The following ABLIM2 variants were observed in gnomAD, a reference collection of about 807,000 sequenced individuals.
ABLIM2 encodes actin-binding LIM protein 2.
Under a neutral mutation model 97.7 loss-of-function variants are expected in ABLIM2, and 53 were observed. That is an observed-to-expected ratio of 0.54 (90% CI 0.44 to 0.68). The LOEUF (loss-of-function observed/expected upper bound fraction) is 0.68. ABLIM2 is among the 30% of genes least tolerant of loss of function. The pLI is 0.00. For missense variants in ABLIM2, 835 were observed against 867.2 expected (o/e 0.96, Z 0.47); for synonymous variants, 361 against 345.8 (o/e 1.04, Z -0.49).
At chr4:8,154,406 TGAG>T (rs1262900222) in intron 1 of ABLIM2, among the ~76,000 whole-genome samples, 2 of 149,956 alleles carry the variant, frequency 1.3e-5, no homozygotes, top group Non-Finnish European at 3.0e-5. Context: ...CTCAGCCTCC[TGAG>T]TAGTGGGGAT....
At chr4:8,157,590 C>T (rs1346134778) in intron 1 of ABLIM2, among the ~76,000 whole-genome samples, 2 of 152,252 alleles carry the variant, frequency 1.3e-5, no homozygotes, top group Non-Finnish European at 2.9e-5. Context: ...TAGCCCCCGC[C>T]CCCTTCTAGG....
At chr4:8,036,102 G>A in intron 10 of ABLIM2, 47 bp downstream of exon 10, 1 of 1,603,356 alleles carries the variant, frequency 6.2e-7, no homozygotes, top group South Asian at 1.1e-5. Context: ...CTGCAGGGCA[G>A]CACTTGGGGA....
At chr4:8,152,236 G>C (rs991835752) in intron 1 of ABLIM2, among the ~76,000 whole-genome samples, 3 of 152,234 alleles carry the variant, frequency 2.0e-5, no homozygotes, top group Admixed American at 6.5e-5. Flanking sequence ...GCAGGCAGGG[G>C]ATAGGCAGAC....
rs372260504 is a variant in ABLIM2 at position 8,004,575 on chromosome 4, G to A, written c.1618+3484C>T. Among the ~76,000 whole-genome samples the A allele has an allele frequency of 2.6e-5, 4 of 152,244 alleles. No homozygotes were observed. The highest frequency in any genetic ancestry group is 5.9e-5 in the Non-Finnish European group (4 of 68,016). ...CGCCTCTGACCTTCGAGGGTGGGAC[G>A]TGAGAGACCTCAAAAGAGAGGATGG... On this transcript the variant is annotated intron_variant, in intron 16 of 20. Coordinates refer to ENST00000447017, the MANE Select transcript of ABLIM2 (RefSeq NM_001130083.2). This position sits in a 1 kb window ranked among gnomAD's most constrained non-coding sequence, Gnocchi z 5.9.
rs1439434215 is a variant in ABLIM2, at chr4:8,148,213, C to T, written c.10+10467G>A. 6.6e-6 allele frequency among the ~76,000 whole-genome samples: 1 copy of T among 152,184 alleles called. No individual in the cohort carries two copies. Among genetic ancestry groups the T allele is most frequent in the Non-Finnish European group, 1.5e-5 (1 of 68,030 alleles). On this transcript the variant is annotated intron_variant, in intron 1 of 20. Transcript: ENST00000447017. This position sits in a 1 kb window ranked among gnomAD's most constrained non-coding sequence, Gnocchi z 6.7. The stretch of plus-strand genomic sequence containing the variant: ...TGGCGGCGGTGCAGCAGAAGCTCTC[C>T]TGTGGGGGCCCTGGGCCAGGCAGGT...
In ABLIM2 at chr4:8,044,000, T is replaced by C. The variant is rs4696739; in HGVS notation, c.900+1164A>G. ...TCCCAAGCGCCACAGTGCCACTCAC[T>C]CTCCAGGCCAGCAGTGCGTCATGGT... On this transcript the variant is annotated intron_variant, in intron 9 of 20. Transcript: ENST00000447017. The surrounding 1 kb of genome is among the most constrained non-coding windows in gnomAD (Gnocchi z 4.8). 0.78 allele frequency among the ~76,000 whole-genome samples: 118,516 copies of C among 152,154 alleles called. 47,013 individuals carry two copies. The highest frequency in any genetic ancestry group is 0.93 in the African/African-American group (38,744 of 41,544).
rs1307893283 is a variant in ABLIM2, at chr4:8,124,979, CT to C, written c.11-18343del. Among the ~76,000 whole-genome samples the C allele has an allele frequency of 6.6e-6, 1 of 152,206 alleles. No individual in the cohort carries two copies. The highest frequency in any genetic ancestry group is 1.5e-5 in the Non-Finnish European group (1 of 68,046). ...TGCCGTTCCCTGTGGGCGAATGATG[CT>C]GGGCATGGTTCATGTGTAGATTCTC... On this transcript the variant is annotated intron_variant, in intron 1 of 20. Transcript: ENST00000447017. The surrounding 1 kb of genome is among the most constrained non-coding windows in gnomAD (Gnocchi z 6.1).
At chr4:8,053,805 GC>G (rs1249059936) in intron 8 of ABLIM2, among the ~76,000 whole-genome samples, 1 of 151,988 alleles carries the variant, frequency 6.6e-6, no homozygotes, top group East Asian at 1.9e-4. Context: ...CGGGAGTTTG[GC>G]CCCTTTTTCC....
chr4:8,036,077 G>A (rs1188492328), intron 10 of ABLIM2, 72 bp downstream of exon 10: 1 of 1,556,314 alleles, frequency 6.4e-7, no homozygotes, highest in Non-Finnish European at 8.7e-7. Context: ...ACACATGCTA[G>A]GGATGACGCC....
chr4:8,053,833 C>T (rs1001301595), intron 8 of ABLIM2, among the ~76,000 whole-genome samples: 1 of 152,056 alleles, frequency 6.6e-6, no homozygotes, highest in African/African-American at 2.4e-5. Context: ...TTCATGAGTT[C>T]CCGCCTTCTC....
rs977684353 is a variant in ABLIM2, at chr4:8,122,620, C to A, written c.11-15983G>T. Among the ~76,000 whole-genome samples the A allele has an allele frequency of 6.6e-6, 1 of 152,202 alleles. No individual in the cohort carries two copies. The highest frequency in any genetic ancestry group is 1.5e-5 in the Non-Finnish European group (1 of 68,034). On this transcript the variant is annotated intron_variant, in intron 1 of 20. Coordinates refer to ENST00000447017, the MANE Select transcript of ABLIM2 (RefSeq NM_001130083.2). The surrounding 1 kb of genome is among the most constrained non-coding windows in gnomAD (Gnocchi z 4.1). ...AAGGCCCCTCCTCCAAATAGCGTCA[C>A]CCTGGGGGTTTGGGCTTCCAAGTGT...
Position 8,127,421 on chromosome 4 carries a change from T to C in ABLIM2, c.11-20784A>G, listed in dbSNP as rs1848503198. On this transcript the variant is annotated intron_variant, in intron 1 of 20. Coordinates refer to ENST00000447017, the MANE Select transcript of ABLIM2 (RefSeq NM_001130083.2). The surrounding 1 kb of genome is among the most constrained non-coding windows in gnomAD (Gnocchi z 7.3). Reference sequence around the variant, plus strand: ...GCAGGGCACAACTTGACTGGACCCGTCCTTTCCCACCAGACCCCTGAAGCT... The same window carrying C: ...GCAGGGCACAACTTGACTGGACCCGCCCTTTCCCACCAGACCCCTGAAGCT... 2.5e-6 allele frequency: 3 copies of C among 1,181,174 alleles called. No individual in the cohort carries two copies. Among genetic ancestry groups the C allele is most frequent in the Non-Finnish European group, 2.2e-6 (2 of 904,862 alleles). The allele number at this position is 1,181,174 out of a possible 1,614,324, so 73.2% of individuals were successfully genotyped here.
Position 7,999,839 on chromosome 4 carries a change from A to G in ABLIM2, c.1619-6912T>C, listed in dbSNP as rs1755854127. ...GCCTCCCCTCCATGAAGCCTGCCAT[A>G]GCCACCTTGCCCTCAGCACCCCGCC... On this transcript the variant is annotated intron_variant, in intron 16 of 20. Transcript: ENST00000447017. The surrounding 1 kb of genome is among the most constrained non-coding windows in gnomAD (Gnocchi z 4.4). Among the ~76,000 whole-genome samples the G allele has an allele frequency of 6.6e-6, 1 of 152,126 alleles. No individual in the cohort carries two copies. Among genetic ancestry groups the G allele is most frequent in the African/African-American group, 2.4e-5 (1 of 41,432 alleles).
Position 8,058,080 on chromosome 4 carries a change from G to T in ABLIM2, c.763+2887C>A, listed in dbSNP as rs185730220. On this transcript the variant is annotated intron_variant, in intron 7 of 20. Coordinates refer to ENST00000447017, the MANE Select transcript of ABLIM2 (RefSeq NM_001130083.2). The surrounding 1 kb of genome is among the most constrained non-coding windows in gnomAD (Gnocchi z 4.2). ...GGCTGGCCTCAGGCCAGTCCTGAAG[G>T]GCGCCTTTGTTCCTGAGATGAGGTT... is the stretch of plus-strand genomic sequence containing the variant. Among the ~76,000 whole-genome samples the T allele has an allele frequency of 3.3e-5, 5 of 152,356 alleles. No homozygotes were observed. Among genetic ancestry groups the T allele is most frequent in the African/African-American group, 1.2e-4 (5 of 41,588 alleles).
rs961798619 is a variant in ABLIM2, at chr4:8,132,135, C to T, written c.11-25498G>A. Among the ~76,000 whole-genome samples the T allele has an allele frequency of 5.3e-5, 8 of 151,424 alleles. No individual in the cohort carries two copies. The highest frequency in any genetic ancestry group is 1.0e-4 in the Non-Finnish European group (7 of 67,988). On this transcript the variant is annotated intron_variant, in intron 1 of 20. Coordinates refer to ENST00000447017, the MANE Select transcript of ABLIM2 (RefSeq NM_001130083.2). The surrounding 1 kb of genome is among the most constrained non-coding windows in gnomAD (Gnocchi z 8.0). The stretch of plus-strand genomic sequence containing the variant: ...CGGGATGGCTCAAGTGGCACAGGAA[C>T]GACCTGGTTGGAAAGGAAACAGCGT...
At chr4:8,143,136 C>G (rs1851246759) in intron 1 of ABLIM2, among the ~76,000 whole-genome samples, 1 of 134,370 alleles carries the variant, frequency 7.4e-6, no homozygotes, top group African/African-American at 2.8e-5. Flanking sequence ...CAACAGTGCC[C>G]ATACTGGGAG....
At chr4:8,030,833 C>A (rs1224477884) in intron 10 of ABLIM2, among the ~76,000 whole-genome samples, 1 of 152,186 alleles carries the variant, frequency 6.6e-6, no homozygotes, top group Non-Finnish European at 1.5e-5. Flanking sequence ...GCAAGTGGCC[C>A]CTTGTGTGTT....
intron 3 of ABLIM2, among the ~76,000 whole-genome samples, chr4:8,090,219 G>C (rs1364442139): frequency 6.6e-6 from 1 of 152,176 alleles, no homozygotes; most frequent in Non-Finnish European, 1.5e-5. Flanking sequence ...TCCGTGTCTT[G>C]CACCCTCCCT....
intron 14 of ABLIM2, among the ~76,000 whole-genome samples, 193 bp from the exon 15 acceptor site, chr4:8,009,295 C>T (rs933715237): frequency 6.6e-6 from 1 of 152,240 alleles, no homozygotes; most frequent in South Asian, 2.1e-4. Context: ...ACCCAGGGAG[C>T]ATCAGCAGCA....
Sources: allele counts gnomAD v4.1 joint callset (sites outside exome capture counted in the v4.1 genomes callset), GRCh38; gene constraint gnomAD v4.1.1; non-coding constraint Gnocchi (gnomAD v3.1); transcripts MANE v1.5; gene names NCBI Gene and HGNC (gene_info 2026-07-23, HGNC 2026-07-21).